Variants in CNKSR2 observed in about 807,000 individuals in gnomAD.
The protein encoded by CNKSR2 is connector enhancer of kinase suppressor of Ras 2, also known as CNK homolog protein 2.
CNKSR2 carries 14 observed loss-of-function variants against 84.4 expected under a neutral mutation model. That is an observed-to-expected ratio of 0.17 (90% confidence interval 0.11 to 0.26). CNKSR2 has a LOEUF of 0.26. Ranked by LOEUF, CNKSR2 falls within the 10% of genes least tolerant of loss-of-function variation. The pLI, the probability that CNKSR2 is intolerant of heterozygous loss-of-function variation, is 1.00. For synonymous variants in CNKSR2, 275 were observed against 277.9 expected, an observed-to-expected ratio of 0.99 and a Z score of 0.10; for missense variants, 485 against 771.2, an observed-to-expected ratio of 0.63 and a Z score of 4.40.
intron 1 of CNKSR2, among the ~76,000 whole-genome samples, chrX:21,381,372 G>A (rs1263036404): frequency 9.0e-6 from 1 of 111,214 alleles, no homozygotes; most frequent in African/African-American, 3.3e-5. Flanking sequence ...GAGAAGTGGT[G>A]GTTGAGTTTA....
Position 21,609,571 on chromosome X carries a change from G to A in CNKSR2, c.2646G>A (p.Glu882=). 8.3e-7 allele frequency: 1 copy of A among 1,209,301 alleles called. No individual in the cohort carries two copies. The highest frequency in any genetic ancestry group is 1.1e-6 in the Non-Finnish European group (1 of 894,719). The part of the protein sequence containing the change: ...QPPEVEEEEE[E]EEEEGEAAGE... ...CAGAGGTGGAGGAAGAGGAGGAGGAGGAGGAGGAGGAAGGGGAGGCAGCAG... is the reference window on the plus strand; with the variant it reads ...CAGAGGTGGAGGAAGAGGAGGAGGAAGAGGAGGAGGAAGGGGAGGCAGCAG... The change falls in exon 20 of 22, where the codon GAG becomes GAA. Residue 882 remains glutamate (E), a synonymous_variant. Coordinates refer to ENST00000379510, the MANE Select transcript of CNKSR2 (RefSeq NM_014927.5).
intron 17 of CNKSR2, among the ~76,000 whole-genome samples, chrX:21,595,702 G>A (rs1315076959): frequency 9.0e-6 from 1 of 111,565 alleles, no homozygotes; most frequent in Non-Finnish European, 1.9e-5. Context: ...CTCCCAGATG[G>A]GGGAAAAAGA....
chrX:21,549,241 A>G (rs756832129), intron 11 of CNKSR2, among the ~76,000 whole-genome samples: 3 of 112,398 alleles, frequency 2.7e-5, no homozygotes, highest in African/African-American at 6.5e-5. Context: ...ATACAAAATC[A>G]ATGTGCAAAA....
At chrX:21,555,922 G>A (rs1350116555) in intron 11 of CNKSR2, among the ~76,000 whole-genome samples, 1 of 110,904 alleles carries the variant, frequency 9.0e-6, no homozygotes, top group Non-Finnish European at 1.9e-5. Flanking sequence ...CAATTCAGTG[G>A]TGTTTCAACA....
At chrX:21,593,118 C>T (rs2092430924) in intron 15 of CNKSR2, 1 of 110,932 alleles carries the variant, frequency 9.0e-6, no homozygotes, top group Non-Finnish European at 1.9e-5. Context: ...TCCCTCATCA[C>T]ATCATTATGG....
At chrX:21,375,490 G>T (rs976375372) in intron 1 of CNKSR2, among the ~76,000 whole-genome samples, 1 of 112,086 alleles carries the variant, frequency 8.9e-6, no homozygotes, top group Non-Finnish European at 1.9e-5. Context: ...TCGGAGCCTG[G>T]CATCCCCCCA....
At chrX:21,478,889 A>G (rs2091286524) in intron 5 of CNKSR2, among the ~76,000 whole-genome samples, 1 of 111,913 alleles carries the variant, frequency 8.9e-6, no homozygotes, top group Non-Finnish European at 1.9e-5. Flanking sequence ...AGACCACTGT[A>G]TATATGACCA....
At chrX:21,509,239 G>T (rs1308606270) in intron 8 of CNKSR2, among the ~76,000 whole-genome samples, 1 of 111,852 alleles carries the variant, frequency 8.9e-6, no homozygotes, top group Non-Finnish European at 1.9e-5. Context: ...ATTAAGCCAC[G>T]TTAAAAAACC....
chrX:21,652,475 C>A lies in CNKSR2; in HGVS notation c.3059C>A (p.Thr1020Asn), dbSNP rs781303774. 1 of 1,210,508 alleles carries A rather than the reference C, an allele frequency of 8.3e-7. No individual in the cohort carries two copies. Among genetic ancestry groups the A allele is most frequent in the South Asian group, 1.8e-5 (1 of 56,963 alleles). ...ATTTCTTCTGAAGTAGATGTAATCA[C>A]TTCCTCTCTAGCACACACTCATTCA... is the stretch of plus-strand genomic sequence containing the variant. ...LSISSEVDVI[T>N]SSLAHTHSYI... The change falls in exon 22 of 22, where the codon ACT becomes AAT. Residue 1020 changes from threonine to asparagine, a missense_variant. Thr to Asn is a moderately conservative substitution (Grantham distance 65). This residue lies in a region of CNKSR2 where 210 missense variants were observed against 291.5 expected (regional missense o/e 0.72). Coordinates refer to ENST00000379510, the MANE Select transcript of CNKSR2 (RefSeq NM_014927.5).
At chrX:21,466,029 T>C (rs930441589) in intron 4 of CNKSR2, among the ~76,000 whole-genome samples, 67 of 111,867 alleles carry the variant, frequency 6.0e-4, no homozygotes, top group African/African-American at 1.8e-3. Context: ...TATTTTCTCA[T>C]TAGGAATTTG....
intron 20 of CNKSR2, among the ~76,000 whole-genome samples, chrX:21,648,416 AATG>A (rs1210631382): frequency 2.7e-5 from 3 of 112,001 alleles, no homozygotes; most frequent in Non-Finnish European, 5.6e-5. Flanking sequence ...TTATCAGCAT[AATG>A]ATAAGGGATG....
At chrX:21,540,499 G>A (rs912002469) in intron 11 of CNKSR2, among the ~76,000 whole-genome samples, 1 of 111,014 alleles carries the variant, frequency 9.0e-6, no homozygotes, top group Non-Finnish European at 1.9e-5. Context: ...TAATGATAAC[G>A]AAAGTATGTA....
chrX:21,462,837 C>T (rs2091078638), intron 4 of CNKSR2, among the ~76,000 whole-genome samples: 1 of 108,745 alleles, frequency 9.2e-6, no homozygotes, highest in South Asian at 4.2e-4. Context: ...CCTCACCCTC[C>T]CAAGTAGCTG....
At chrX:21,400,062 G>T (rs945046986) in intron 1 of CNKSR2, among the ~76,000 whole-genome samples, 1 of 110,664 alleles carries the variant, frequency 9.0e-6, no homozygotes, top group Admixed American at 9.7e-5. Context: ...TAGTCAGGGG[G>T]TGATAATATA....
intron 21 of CNKSR2, among the ~76,000 whole-genome samples, chrX:21,651,961 G>A (rs2092721841): frequency 8.9e-6 from 1 of 112,482 alleles, no homozygotes; most frequent in South Asian, 3.7e-4. Context: ...TGATGGAGTA[G>A]TAAAGGGGCA....
chrX:21,520,689 C>CTTT (rs749709439), intron 9 of CNKSR2, among the ~76,000 whole-genome samples: 1 of 98,312 alleles, frequency 1.0e-5, no homozygotes, highest in Non-Finnish European at 2.1e-5. Context: ...AAAAACCCAG[C>CTTT]TTTTTTTTTT....
rs1286161970 is a variant in CNKSR2 at position 21,555,803 on chromosome X, A to G, written c.1304-5668A>G. Among the ~76,000 whole-genome samples, 11 of 111,516 alleles carry G rather than the reference A, an allele frequency of 9.9e-5. No individual in the cohort carries two copies. The Admixed American group carries it at 1.1e-3, about 11-fold the overall frequency. Reference sequence around the variant, plus strand: ...CTTTGAAAATTTTTTTAAATCTTTGACAACTGTAAGAGAAGATTGCTTCTC... The same window carrying G: ...CTTTGAAAATTTTTTTAAATCTTTGGCAACTGTAAGAGAAGATTGCTTCTC... On this transcript the variant is annotated intron_variant, in intron 11 of 21. Transcript: ENST00000379510.
intron 9 of CNKSR2, among the ~76,000 whole-genome samples, chrX:21,517,004 T>G (rs578188334): frequency 8.0e-5 from 9 of 111,947 alleles, no homozygotes; most frequent in Middle Eastern, 4.6e-3. Flanking sequence ...AATGATAGTT[T>G]ATAGAATTCT....
intron 1 of CNKSR2, among the ~76,000 whole-genome samples, chrX:21,412,582 A>G (rs936523341): frequency 8.9e-6 from 1 of 111,943 alleles, no homozygotes; most frequent in Admixed American, 9.5e-5. Context: ...ACTTCTATGT[A>G]GAATATGCTA....
Sources: gnomAD v4.1 joint callset for allele counts (sites outside exome capture counted in the v4.1 genomes callset) on GRCh38, gnomAD v4.1.1 for gene constraint, gnomAD v4.1.1 regional missense constraint, MANE v1.5 for transcripts, NCBI Gene and HGNC (gene_info 2026-07-23, HGNC 2026-07-21) for gene names.